Variants in DIS3L2 observed in about 807,000 individuals in gnomAD.
DIS3L2 encodes the protein DIS3-like exonuclease 2.
Under a neutral mutation model 97.5 loss-of-function variants are expected in DIS3L2, and 34 were observed. That is an observed-to-expected ratio of 0.35 (90% CI 0.27 to 0.46). The LOEUF (loss-of-function observed/expected upper bound fraction) is 0.46, where lower values mean the gene tolerates loss of function less well. Among genes scored for constraint, DIS3L2 ranks in the 20% least tolerant of loss-of-function variants. The pLI is 1.00. For synonymous variants in DIS3L2, 435 were observed against 445.2 expected (o/e 0.98, Z 0.29); for missense variants, 1,038 against 1,146.0 (o/e 0.91, Z 1.36).
At chr2:232,339,342 C>T (rs570470875), downstream of DIS3L2, among the ~76,000 whole-genome samples, 295 of 152,266 alleles carry the variant, frequency 1.9e-3, no homozygotes, top group African/African-American at 6.5e-3. Context: ...GCCACTGCAG[C>T]GGCTCCACCA....
chr2:232,022,714 G>A (rs776081309), intron 3 of DIS3L2, among the ~76,000 whole-genome samples: 3 of 152,234 alleles, frequency 2.0e-5, no homozygotes, highest in Non-Finnish European at 4.4e-5. Flanking sequence ...TGATGGTAGA[G>A]ACTGTCTGTT....
chr2:232,242,461 A>G (rs997460766), intron 11 of DIS3L2, among the ~76,000 whole-genome samples: 1 of 152,154 alleles, frequency 6.6e-6, no homozygotes, highest in African/African-American at 2.4e-5. Flanking sequence ...GCTTGTGGGC[A>G]TCTGGCTCCC....
chr2:232,271,677 G>C (rs762602938), intron 13 of DIS3L2, among the ~76,000 whole-genome samples: 1 of 152,194 alleles, frequency 6.6e-6, no homozygotes, highest in Non-Finnish European at 1.5e-5. Flanking sequence ...AGCCAAGAAT[G>C]TGTGCCCTCT....
intron 8 of DIS3L2, among the ~76,000 whole-genome samples, chr2:232,163,138 G>A (rs938838403): frequency 1.3e-5 from 2 of 152,130 alleles, no homozygotes; most frequent in African/African-American, 4.8e-5. Context: ...TAGCACACTG[G>A]ATTGATCATA....
intron 10 of DIS3L2, among the ~76,000 whole-genome samples, chr2:232,213,668 T>G (rs971241044): frequency 1.8e-4 from 27 of 146,864 alleles, no homozygotes; most frequent in Middle Eastern, 3.4e-3. Flanking sequence ...GTAGTTTTTT[T>G]TTTTTTTTTT....
intron 5 of DIS3L2, among the ~76,000 whole-genome samples, chr2:232,082,424 C>T (rs530763972): frequency 4.9e-4 from 74 of 152,234 alleles, no homozygotes; most frequent in African/African-American, 1.5e-3. Flanking sequence ...CGCTTGAGCC[C>T]CGCCTCCTGT....
chr2:232,127,268 A>G (rs1698088702), intron 6 of DIS3L2, among the ~76,000 whole-genome samples: 2 of 152,204 alleles, frequency 1.3e-5, no homozygotes, highest in South Asian at 4.1e-4. Context: ...CCTATCAAAT[A>G]GAACCACCTC....
chr2:232,008,597 TG>T (rs1694113833), intron 1 of DIS3L2, among the ~76,000 whole-genome samples: 1 of 152,164 alleles, frequency 6.6e-6, no homozygotes. Context: ...CTTCTGGGGA[TG>T]GTAGGGTTAG....
intron 1 of DIS3L2, among the ~76,000 whole-genome samples, chr2:231,983,750 A>G (rs534366017): frequency 1.4e-4 from 22 of 152,194 alleles, no homozygotes; most frequent in African/African-American, 5.3e-4. Flanking sequence ...TTAGCTGGGC[A>G]TGGTGGCATG....
chr2:232,226,051 A>T (rs1314547887), intron 10 of DIS3L2, among the ~76,000 whole-genome samples: 1 of 152,204 alleles, frequency 6.6e-6, no homozygotes, highest in African/African-American at 2.4e-5. Flanking sequence ...CTGTAAACAG[A>T]TATGGGCTTT....
rs1694614410 is a variant in DIS3L2 at position 232,292,057 on chromosome 2, C to T, written c.1660-7983C>T. Among the ~76,000 whole-genome samples, 1 of 152,160 alleles carries T rather than the reference C, an allele frequency of 6.6e-6. No individual in the cohort carries two copies. Among genetic ancestry groups the T allele is most frequent in the Admixed American group, 6.5e-5 (1 of 15,284 alleles). On this transcript the variant is annotated intron_variant, in intron 13 of 20. Transcript: ENST00000325385. The surrounding 1 kb of genome is among the most constrained non-coding windows in gnomAD (Gnocchi z 4.4). ...GTGCCTGGGCCAGCCAAAGATCTACCTGTTCAGTAGCCCAGAGGGACCCCT... is the reference window on the plus strand; with the variant it reads ...GTGCCTGGGCCAGCCAAAGATCTACTTGTTCAGTAGCCCAGAGGGACCCCT...
At chr2:232,262,327 C>T (rs1427766684) in intron 12 of DIS3L2, among the ~76,000 whole-genome samples, 1 of 152,156 alleles carries the variant, frequency 6.6e-6, no homozygotes, top group East Asian at 1.9e-4. Flanking sequence ...TTTTAATGTC[C>T]TTTTTTTGTT....
chr2:232,334,400 T>A lies in DIS3L2; in HGVS notation c.2190T>A (p.Asp730Glu). The change falls in exon 18 of 21, where the codon GAT becomes GAA. Residue 730 changes from aspartate (D) to glutamate (E), a missense_variant. Physicochemically the swap from Asp to Glu is conservative, Grantham distance 45. Coordinates refer to ENST00000325385, the MANE Select transcript of DIS3L2 (RefSeq NM_152383.5). ...GYRERLDMAPDTLQKQADHCN... is the reference protein window; with the variant it reads ...GYRERLDMAPETLQKQADHCN... ...GGGAGCGACTAGACATGGCGCCCGATACCCTGCAGAAACAGGCGGACCACT... is the reference window on the plus strand; with the variant it reads ...GGGAGCGACTAGACATGGCGCCCGAAACCCTGCAGAAACAGGCGGACCACT... The A allele has an allele frequency of 6.2e-7, 1 of 1,613,686 alleles. No homozygotes were observed. Among genetic ancestry groups the A allele is most frequent in the Non-Finnish European group, 8.5e-7 (1 of 1,179,982 alleles).
intron 1 of DIS3L2, among the ~76,000 whole-genome samples, chr2:231,988,785 A>T (rs1693492925): frequency 6.6e-6 from 1 of 152,222 alleles, no homozygotes; most frequent in Non-Finnish European, 1.5e-5. Context: ...TAAGGCCATG[A>T]TATAACTGAC....
chr2:232,139,869 GAA>G (rs1306959107), intron 8 of DIS3L2, among the ~76,000 whole-genome samples: 11 of 152,148 alleles, frequency 7.2e-5, no homozygotes, highest in Admixed American at 2.6e-4. Flanking sequence ...GGAAACAAAA[GAA>G]ATGAAAAGAT....
intron 1 of DIS3L2, among the ~76,000 whole-genome samples, chr2:232,007,299 C>T (rs1694080273): frequency 6.6e-6 from 1 of 152,130 alleles, no homozygotes; most frequent in Non-Finnish European, 1.5e-5. Flanking sequence ...GAAGTTTTGT[C>T]TGGGAGAAGA....
At chr2:232,035,390 GTC>G (rs778628450) in intron 5 of DIS3L2, among the ~76,000 whole-genome samples, 2 of 152,104 alleles carry the variant, frequency 1.3e-5, no homozygotes, top group Non-Finnish European at 2.9e-5. Flanking sequence ...GCCTATGTGT[GTC>G]TCTGCACGTG....
intron 6 of DIS3L2, among the ~76,000 whole-genome samples, chr2:232,108,710 C>CTCAGGATACAAAATCAGTGTGCAAA (rs1697432208): frequency 6.6e-6 from 1 of 152,170 alleles, no homozygotes; most frequent in Admixed American, 6.5e-5. Flanking sequence ...TAAGCAAAGT[C>CTCAGGATACAAAATCAGTGTGCAAA]TCAGGATACA....
chr2:232,140,396 A>T (rs1326957869), intron 8 of DIS3L2, among the ~76,000 whole-genome samples: 1 of 152,186 alleles, frequency 6.6e-6, no homozygotes, highest in Non-Finnish European at 1.5e-5. Context: ...AGATGAGTAG[A>T]TGGAAATGGA....
Sources: allele counts gnomAD v4.1 joint callset (sites outside exome capture counted in the v4.1 genomes callset), GRCh38; gene constraint gnomAD v4.1.1; non-coding constraint Gnocchi (gnomAD v3.1); transcripts MANE v1.5; gene names NCBI Gene and HGNC (gene_info 2026-07-23, HGNC 2026-07-21).